Variants in MTR observed in about 807,000 individuals in gnomAD.
MTR encodes 5-methyltetrahydrofolate-homocysteine methyltransferase, also known as methionine synthase.
MTR carries 84 observed loss-of-function variants against 154.8 expected under a neutral mutation model. The observed-to-expected ratio is 0.54, with a 90% CI of 0.45 to 0.65. The LOEUF is 0.65. Ranked by LOEUF, MTR falls within the 30% of genes least tolerant of loss-of-function variation. The probability of loss-of-function intolerance (pLI) is 0.00; values close to 1 mark genes in which losing one functional copy is unlikely to be tolerated. For synonymous variants in MTR, 554 were observed against 553.9 expected (o/e 1.00, Z 0.00); for missense variants, 1,275 against 1,570.2 (o/e 0.81, Z 3.18).
chr1:236,803,794 T>C, intron 2 of MTR, 152 bp downstream of exon 2: 2 of 820,176 alleles, frequency 2.4e-6, no homozygotes, highest in Admixed American at 4.1e-5. Context: ...CAAATAAAAG[T>C]TATGTACTGT....
intron 8 of MTR, among the ~76,000 whole-genome samples, chr1:236,820,964 G>C (rs1661904114): frequency 6.6e-6 from 1 of 152,198 alleles, no homozygotes; most frequent in East Asian, 1.9e-4. Context: ...GAGGAGGCTG[G>C]TCAGCTCTTT....
chr1:236,853,894 C>G (rs1393338766), intron 18 of MTR, among the ~76,000 whole-genome samples: 3 of 152,162 alleles, frequency 2.0e-5, no homozygotes, highest in Non-Finnish European at 4.4e-5. Flanking sequence ...AAGTATCTAT[C>G]GTAGATGGTT....
chr1:236,887,002 C>A (rs996840694), intron 27 of MTR, among the ~76,000 whole-genome samples: 6 of 151,968 alleles, frequency 3.9e-5, no homozygotes, highest in Admixed American at 3.9e-4. Flanking sequence ...TTTTAAATTT[C>A]TAGCCACCTT....
At chr1:236,894,619 G>A in intron 30 of MTR, 62 bp downstream of exon 30, 1 of 1,575,954 alleles carries the variant, frequency 6.3e-7, no homozygotes, top group Non-Finnish European at 8.7e-7. Context: ...GGAGCCTGGG[G>A]TGGGTGCCTG....
chr1:236,852,778 C>T, intron 17 of MTR, 141 bp downstream of exon 17: 1 of 1,074,850 alleles, frequency 9.3e-7, no homozygotes, highest in South Asian at 1.3e-5. Context: ...CACACCTATT[C>T]ATTTGTATCT....
intron 19 of MTR, among the ~76,000 whole-genome samples, chr1:236,860,366 C>T (rs1337317826): frequency 1.3e-5 from 2 of 151,744 alleles, no homozygotes; most frequent in Non-Finnish European, 2.9e-5. Context: ...GCTTCAGTTT[C>T]CTCATGTGTG....
At chr1:236,851,586 A>G (rs1269059501) in intron 16 of MTR, among the ~76,000 whole-genome samples, 2 of 152,246 alleles carry the variant, frequency 1.3e-5, no homozygotes, top group African/African-American at 4.8e-5. Flanking sequence ...AGAGGCTCAT[A>G]GGAACCTAGC....
chr1:236,886,205 T>C, intron 26 of MTR, 87 bp from the exon 27 acceptor site: 7 of 1,069,138 alleles, frequency 6.5e-6, no homozygotes, highest in Non-Finnish European at 1.0e-5. Context: ...CTTGCAAAGC[T>C]TACATACTGG....
chr1:236,895,319 T>C, intron 30 of MTR, 39 bp from the exon 31 acceptor site: 1 of 1,563,182 alleles, frequency 6.4e-7, no homozygotes, highest in Non-Finnish European at 8.7e-7. Flanking sequence ...TGTGAGCCCC[T>C]GCGTCTGCCT....
At chr1:236,839,713 T>C (rs981010048) in intron 15 of MTR, among the ~76,000 whole-genome samples, 1 of 152,224 alleles carries the variant, frequency 6.6e-6, no homozygotes, top group Non-Finnish European at 1.5e-5. Flanking sequence ...TTCCTGGGAA[T>C]CTAGTAATAA....
At chr1:236,823,594 T>A (rs145957929) in intron 8 of MTR, among the ~76,000 whole-genome samples, 204 of 152,110 alleles carry the variant, frequency 1.3e-3, no homozygotes, top group African/African-American at 4.7e-3. Context: ...AGCTTCATAG[T>A]TGGTTCATAA....
intron 27 of MTR, among the ~76,000 whole-genome samples, chr1:236,887,686 G>A (rs1195619750): frequency 6.6e-6 from 1 of 152,230 alleles, no homozygotes; most frequent in Non-Finnish European, 1.5e-5. Flanking sequence ...TGCAGGGTCC[G>A]CCCTGCTGCC....
chr1:236,874,745 A>C lies in MTR; in HGVS notation c.2493A>C (p.Gly831=). ...DHKADIIGLS[G]LITPSLDEMI... ...AAATAGATATAATTGGCCTGTCAGGACTCATCACTCCTTCCCTGGATGAAA... is the reference window on the plus strand; with the variant it reads ...AAATAGATATAATTGGCCTGTCAGGCCTCATCACTCCTTCCCTGGATGAAA... The change falls in exon 24 of 33, where the codon GGA becomes GGC. Residue 831 remains glycine, a synonymous_variant. Transcript: ENST00000366577. 2 of 1,608,284 alleles carry C rather than the reference A, an allele frequency of 1.2e-6. No homozygotes were observed. The highest frequency in any genetic ancestry group is 1.7e-6 in the Non-Finnish European group (2 of 1,176,332).
chr1:236,861,818 C>T (rs996424921), intron 20 of MTR, among the ~76,000 whole-genome samples: 9 of 152,126 alleles, frequency 5.9e-5, no homozygotes, highest in Admixed American at 2.0e-4. Flanking sequence ...ACTAAAAGGC[C>T]TTCATCTTGC....
intron 24 of MTR, among the ~76,000 whole-genome samples, chr1:236,879,365 A>G (rs1364864304): frequency 1.3e-5 from 2 of 152,244 alleles, no homozygotes; most frequent in African/African-American, 2.4e-5. Flanking sequence ...ATACAATTGC[A>G]TTAAATATAG....
At chr1:236,849,900 G>A (rs1663801117) in intron 15 of MTR, among the ~76,000 whole-genome samples, 1 of 152,230 alleles carries the variant, frequency 6.6e-6, no homozygotes, top group African/African-American at 2.4e-5. Context: ...TTTCCTGGGT[G>A]ATAGGTTGTG....
chr1:236,874,982 A>G, intron 24 of MTR, 136 bp downstream of exon 24: 3 of 1,038,602 alleles, frequency 2.9e-6, no homozygotes, highest in Non-Finnish European at 4.3e-6. Context: ...AAACACAAAC[A>G]TTTTCTGGTG....
chr1:236,829,163 A>G, intron 11 of MTR, 26 bp from the exon 12 acceptor site: 1 of 1,551,044 alleles, frequency 6.4e-7, no homozygotes. Flanking sequence ...GAATTAATGG[A>G]TACAATGTTT....
chr1:236,869,525 C>T (rs1258109845), intron 22 of MTR, among the ~76,000 whole-genome samples: 1 of 152,184 alleles, frequency 6.6e-6, no homozygotes, highest in Non-Finnish European at 1.5e-5. Flanking sequence ...AAAACAAATA[C>T]TGTAAAATCA....
Sources: allele counts gnomAD v4.1 joint callset (sites outside exome capture counted in the v4.1 genomes callset), GRCh38; gene constraint gnomAD v4.1.1; transcripts MANE v1.5; gene names NCBI Gene and HGNC (gene_info 2026-07-23, HGNC 2026-07-21).